Variants in PRIM2 observed in about 807,000 individuals in gnomAD.
PRIM2 encodes DNA primase large subunit.
A neutral mutation model predicts 67.3 loss-of-function variants in PRIM2; 39 were observed. The observed-to-expected ratio is 0.58, with a 90% confidence interval of 0.45 to 0.76. The LOEUF (loss-of-function observed/expected upper bound fraction) is 0.76. PRIM2 is among the 30% of genes least tolerant of loss of function. The pLI is 0.00. For missense variants in PRIM2, 398 were observed against 598.7 expected (o/e 0.66, Z 3.50); for synonymous variants, 143 against 198.7 (o/e 0.72, Z 2.36).
At chr6:57,643,293 G>A (rs1283255541) in intron 13 of PRIM2, among the ~76,000 whole-genome samples, 1 of 152,138 alleles carries the variant, frequency 6.6e-6, no homozygotes, top group Non-Finnish European at 1.5e-5. Flanking sequence ...TTGTAGCCAA[G>A]TTTATCTCTA....
chr6:57,486,520 T>C (rs1250518339), intron 7 of PRIM2, among the ~76,000 whole-genome samples: 1 of 152,216 alleles, frequency 6.6e-6, no homozygotes, highest in African/African-American at 2.4e-5. Flanking sequence ...ATGTTCTTAG[T>C]CACAGATCCG....
intron 10 of PRIM2, among the ~76,000 whole-genome samples, chr6:57,599,542 A>G (rs1303351248): frequency 4.0e-5 from 6 of 151,806 alleles, no homozygotes; most frequent in African/African-American, 1.5e-4. Context: ...ATTTATCTTC[A>G]TAACATATTT....
At chr6:57,575,243 C>G (rs1198179494) in intron 10 of PRIM2, among the ~76,000 whole-genome samples, 1 of 152,212 alleles carries the variant, frequency 6.6e-6, no homozygotes. Context: ...TTCTCTCTTT[C>G]TCACTGTCGA....
intron 10 of PRIM2, among the ~76,000 whole-genome samples, chr6:57,543,334 A>G (rs1270558997): frequency 3.3e-5 from 5 of 152,224 alleles, no homozygotes; most frequent in Non-Finnish European, 5.9e-5. Flanking sequence ...ATGATTTGAA[A>G]TAACAGCTTC....
At chr6:57,268,577 A>G in the PRIM2 span, among the ~76,000 whole-genome samples, 1 of 152,124 alleles carries the variant, frequency 6.6e-6, no homozygotes, top group Non-Finnish European at 1.5e-5. Flanking sequence ...AGGCATTACA[A>G]GGATATATAT....
chr6:57,297,634 A>G, the PRIM2 span, among the ~76,000 whole-genome samples: 1 of 152,200 alleles, frequency 6.6e-6, no homozygotes, highest in Non-Finnish European at 1.5e-5. Context: ...TTTTCAGTGG[A>G]GAAACCTAGC....
chr6:57,610,462 CT>C (rs1174907496), intron 12 of PRIM2, among the ~76,000 whole-genome samples: 1 of 152,202 alleles, frequency 6.6e-6, no homozygotes, highest in East Asian at 1.9e-4. Flanking sequence ...ATAAAGCATA[CT>C]TACAGGATCA....
intron 10 of PRIM2, among the ~76,000 whole-genome samples, chr6:57,550,757 A>G (rs1285873934): frequency 2.2e-4 from 34 of 152,150 alleles, no homozygotes; most frequent in Admixed American, 1.6e-3. Flanking sequence ...TATATGTGGT[A>G]CTCTTAGGGG....
chr6:57,638,343 T>C (rs1777160590), intron 13 of PRIM2, among the ~76,000 whole-genome samples: 2 of 152,002 alleles, frequency 1.3e-5, no homozygotes, highest in African/African-American at 2.4e-5. Flanking sequence ...TTGCATCAAC[T>C]AATGGGCAAA....
intron 7 of PRIM2, among the ~76,000 whole-genome samples, chr6:57,457,428 G>T (rs1409894343): frequency 2.0e-5 from 3 of 152,154 alleles, no homozygotes; most frequent in African/African-American, 7.2e-5. Context: ...AGCTGTGGAG[G>T]GCTCCACCCA....
intron 7 of PRIM2, among the ~76,000 whole-genome samples, chr6:57,444,703 T>C: frequency 6.6e-6 from 1 of 152,226 alleles, no homozygotes; most frequent in Non-Finnish European, 1.5e-5. Context: ...TTATGTGTTT[T>C]AGCAGAAAGG....
chr6:57,480,035 G>A (rs1332958674), intron 7 of PRIM2, among the ~76,000 whole-genome samples: 4 of 152,212 alleles, frequency 2.6e-5, no homozygotes, highest in Admixed American at 6.5e-5. Context: ...AAGAGATGGG[G>A]ATGGAGTATA....
intron 7 of PRIM2, among the ~76,000 whole-genome samples, chr6:57,475,293 C>A (rs1773450682): frequency 1.3e-5 from 2 of 152,072 alleles, no homozygotes; most frequent in Admixed American, 1.3e-4. Flanking sequence ...GTTGTGCAAC[C>A]ATCACTTCAA....
intron 7 of PRIM2, among the ~76,000 whole-genome samples, chr6:57,426,060 G>T (rs1315112094): frequency 6.6e-6 from 1 of 152,062 alleles, no homozygotes; most frequent in Non-Finnish European, 1.5e-5. Context: ...ATTGAAGATG[G>T]AAAGTAACTC....
upstream of PRIM2, among the ~76,000 whole-genome samples, chr6:57,311,528 G>A (rs967039389): frequency 6.6e-6 from 1 of 151,970 alleles, no homozygotes; most frequent in Admixed American, 6.6e-5. Context: ...AGGCAGAGAC[G>A]TTCCTCACTT....
intron 7 of PRIM2, among the ~76,000 whole-genome samples, chr6:57,474,363 A>ACAGGGTTT (rs1773421798): frequency 6.6e-6 from 1 of 151,360 alleles, no homozygotes; most frequent in Non-Finnish European, 1.5e-5. Context: ...TTTAGTAGAG[A>ACAGGGTTT]CAGGGTTTCA....
chr6:57,238,299 C>A, the PRIM2 span, among the ~76,000 whole-genome samples: 1 of 152,074 alleles, frequency 6.6e-6, no homozygotes, highest in Admixed American at 6.6e-5. Context: ...CCAAAATTGA[C>A]CACATAGTTG....
chr6:57,352,780 G>A (rs1768900120), intron 5 of PRIM2, among the ~76,000 whole-genome samples: 1 of 151,802 alleles, frequency 6.6e-6, no homozygotes, highest in Non-Finnish European at 1.5e-5. Context: ...GTCATTTGGG[G>A]GAGCCAAAGC....
chr6:57,458,125 A>G lies in PRIM2; in HGVS notation c.694-49262A>G, dbSNP rs1214867740. Among the ~76,000 whole-genome samples the G allele has an allele frequency of 2.6e-5, 4 of 152,162 alleles. No individual in the cohort carries two copies. The East Asian group carries it at 5.8e-4, about 22-fold the overall frequency. Reference sequence around the variant, plus strand: ...GCTAACTTATGTTGAAATAATAGAAATGACCCACATTATTATTTCTTATTC... The same window carrying G: ...GCTAACTTATGTTGAAATAATAGAAGTGACCCACATTATTATTTCTTATTC... On this transcript the variant is annotated intron_variant, in intron 7 of 13. Transcript: ENST00000615550.
Sources: gnomAD v4.1 joint callset for allele counts (sites outside exome capture counted in the v4.1 genomes callset) on GRCh38, gnomAD v4.1.1 for gene constraint, MANE v1.5 for transcripts, NCBI Gene and HGNC (gene_info 2026-07-23, HGNC 2026-07-21) for gene names.